The following LYRM4 variants were observed in gnomAD, a reference collection of about 807,000 sequenced individuals.
The protein encoded by LYRM4 is LYR motif containing 4, also known as LYR motif-containing protein 4.
In LYRM4, 9 loss-of-function variants were observed where a neutral mutation model predicts 11.7. The observed-to-expected ratio is 0.77, with a 90% confidence interval of 0.46 to 1.34. LYRM4 has a LOEUF of 1.34. Among genes scored for constraint, LYRM4 ranks in the 40% most tolerant of loss-of-function variants. The probability of loss-of-function intolerance (pLI) is 0.00; values close to 1 mark genes in which losing one functional copy is unlikely to be tolerated. For missense variants in LYRM4, 133 were observed against 112.5 expected, an observed-to-expected ratio of 1.18 and a Z score of -0.82; for synonymous variants, 42 against 40.4, an observed-to-expected ratio of 1.04 and a Z score of -0.15.
intron 1 of LYRM4, among the ~76,000 whole-genome samples, chr6:5,242,385 A>T (rs114825667): frequency 0.29 from 43,242 of 150,910 alleles, 7,782 homozygotes; most frequent in African/African-American, 0.51. Context: ...TATACTTTTA[A>T]ATTAAGAGTT....
the LYRM4 span, chr6:5,088,693 G>A: frequency 6.6e-6 from 1 of 152,124 alleles, no homozygotes; most frequent in Non-Finnish European, 1.5e-5. Context: ...GACAATTATA[G>A]TTAATAAAGC....
At chr6:5,208,755 G>T (rs1374237624) in intron 2 of LYRM4, among the ~76,000 whole-genome samples, 1 of 152,176 alleles carries the variant, frequency 6.6e-6, no homozygotes, top group East Asian at 1.9e-4. Context: ...AAAAAGCAGG[G>T]AGGAAATTAG....
intron 2 of LYRM4, among the ~76,000 whole-genome samples, chr6:5,172,463 C>T (rs531985482): frequency 2.0e-5 from 3 of 152,254 alleles, no homozygotes; most frequent in East Asian, 1.9e-4. Flanking sequence ...TTGATGCTAG[C>T]GTCACTAAGC....
intron 2 of LYRM4, among the ~76,000 whole-genome samples, chr6:5,169,048 A>G (rs188917941): frequency 6.6e-6 from 1 of 152,236 alleles, no homozygotes; most frequent in Non-Finnish European, 1.5e-5. Flanking sequence ...AATGTAAAAA[A>G]TTAGGGGGAA....
intron 2 of LYRM4, among the ~76,000 whole-genome samples, chr6:5,137,398 C>G (rs1212186005): frequency 6.6e-6 from 1 of 152,080 alleles, no homozygotes; most frequent in Non-Finnish European, 1.5e-5. Flanking sequence ...TTTTTAAGCC[C>G]CAACATAGAA....
At chr6:5,074,696 T>C in the LYRM4 span, among the ~76,000 whole-genome samples, 1 of 151,746 alleles carries the variant, frequency 6.6e-6, no homozygotes, top group Non-Finnish European at 1.5e-5. Context: ...AATAGGTATA[T>C]ATGGAGAAGC....
At chr6:5,123,974 G>A (rs1249151399) in intron 2 of LYRM4, among the ~76,000 whole-genome samples, 1 of 152,232 alleles carries the variant, frequency 6.6e-6, no homozygotes. Context: ...GGGTCTGGGA[G>A]GTGGGGAGCT....
the LYRM4 span, among the ~76,000 whole-genome samples, chr6:5,057,683 C>A: frequency 1.3e-5 from 2 of 150,484 alleles, no homozygotes; most frequent in African/African-American, 4.9e-5. Context: ...CCACAGCACT[C>A]TAGCCTGGGC....
chr6:5,063,185 T>C, the LYRM4 span, among the ~76,000 whole-genome samples: 562 of 152,066 alleles, frequency 3.7e-3, 5 homozygotes, highest in Non-Finnish European at 6.3e-3. Context: ...CAAGCTTTGA[T>C]TTTTCTTTTT....
intron 2 of LYRM4, chr6:5,113,070 C>T (rs1253058439): frequency 1.5e-5 from 3 of 197,900 alleles, no homozygotes; most frequent in Non-Finnish European, 3.2e-5. Flanking sequence ...AAAAAGATCA[C>T]CTTGTCTTCA....
intron 2 of LYRM4, among the ~76,000 whole-genome samples, chr6:5,146,386 C>A (rs1468915857): frequency 3.9e-5 from 6 of 152,108 alleles, no homozygotes; most frequent in Non-Finnish European, 8.8e-5. Context: ...TTGTTACCTT[C>A]ATTTTTTTTA....
chr6:5,143,378 G>A (rs1268306077), intron 2 of LYRM4, among the ~76,000 whole-genome samples: 4 of 152,122 alleles, frequency 2.6e-5, no homozygotes, highest in Non-Finnish European at 5.9e-5. Context: ...CTTATACATG[G>A]GCAAGTTTTA....
rs183630356 is a variant in LYRM4 at position 5,243,193 on chromosome 6, G to C, written c.86+17455C>G. ...CACCCACACTTGTCCCATTTGTTTT[G>C]CCTGTACCCTGTGCTTTCTTTTATT... On this transcript the variant is annotated intron_variant, in intron 1 of 2. Coordinates refer to ENST00000330636, the MANE Select transcript of LYRM4 (RefSeq NM_020408.6). Among the ~76,000 whole-genome samples, 456 of 152,306 alleles carry C rather than the reference G, an allele frequency of 3.0e-3. 1 individual carries two copies. The highest frequency in any genetic ancestry group is 5.2e-3 in the Admixed American group (79 of 15,302).
At chr6:5,156,783 G>T (rs1758437809) in intron 2 of LYRM4, among the ~76,000 whole-genome samples, 2 of 152,230 alleles carry the variant, frequency 1.3e-5, no homozygotes, top group African/African-American at 4.8e-5. Flanking sequence ...GACGGGGAAA[G>T]ATGGATAGGA....
the LYRM4 span, chr6:5,086,045 C>T: frequency 6.7e-7 from 1 of 1,484,650 alleles, no homozygotes; most frequent in South Asian, 1.3e-5. Flanking sequence ...GCGGCAGTGG[C>T]CGCGCCCCTT....
intron 1 of LYRM4, among the ~76,000 whole-genome samples, chr6:5,226,914 G>A (rs1762927824): frequency 6.6e-6 from 1 of 152,136 alleles, no homozygotes; most frequent in Admixed American, 6.6e-5. Flanking sequence ...GGAAAAATCA[G>A]TAGTAGAGAG....
chr6:5,032,081 A>C, the LYRM4 span: 1 of 152,224 alleles, frequency 6.6e-6, no homozygotes, highest in East Asian at 1.9e-4. Flanking sequence ...TAGGCTGTAA[A>C]AATGCTAGTA....
chr6:5,142,917 G>A (rs1270333490), intron 2 of LYRM4, among the ~76,000 whole-genome samples: 1 of 152,232 alleles, frequency 6.6e-6, no homozygotes, highest in Admixed American at 6.5e-5. Flanking sequence ...GCCTCATGCA[G>A]ATGTCTCCCA....
chr6:5,049,623 G>A, the LYRM4 span, among the ~76,000 whole-genome samples: 6 of 151,834 alleles, frequency 4.0e-5, no homozygotes, highest in Non-Finnish European at 8.8e-5. Context: ...GCCTCCTTGA[G>A]TGAGAAACTA....
Sources: gnomAD v4.1 joint callset for allele counts (sites outside exome capture counted in the v4.1 genomes callset) on GRCh38, gnomAD v4.1.1 for gene constraint, MANE v1.5 for transcripts, NCBI Gene and HGNC (gene_info 2026-07-23, HGNC 2026-07-21) for gene names.